The following SEPTIN4 variants were observed in gnomAD, a reference collection of about 807,000 sequenced individuals.
The protein encoded by SEPTIN4 is septin 4.
SEPTIN4 carries 52 observed loss-of-function variants against 107.1 expected under a neutral mutation model. The observed-to-expected ratio is 0.49, with a 90% CI of 0.39 to 0.61. The LOEUF is 0.61. Ranked by LOEUF, SEPTIN4 falls within the 20% of genes least tolerant of loss-of-function variation. SEPTIN4 has a pLI of 0.00. For missense variants in SEPTIN4, 1,048 were observed against 1,243.5 expected (o/e 0.84, Z 2.36); for synonymous variants, 417 against 467.0 (o/e 0.89, Z 1.38).
In SEPTIN4 at chr17:58,524,306, C is replaced by A. The variant is rs1324089855; in HGVS notation, c.2216+772G>T. On this transcript the variant is annotated intron_variant, in intron 7 of 13. Coordinates refer to ENST00000672673, the MANE Select transcript of SEPTIN4 (RefSeq NM_001368771.2). ...CGAATGATAGGGGGTTGTGGTAAATCCAGCTTTTCTTTCGGCAGGTAGCCT... is the reference window on the plus strand; with the variant it reads ...CGAATGATAGGGGGTTGTGGTAAATACAGCTTTTCTTTCGGCAGGTAGCCT... Among the ~76,000 whole-genome samples the A allele has an allele frequency of 2.6e-5, 4 of 152,234 alleles. No homozygotes were observed. The East Asian group carries it at 7.7e-4, about 29-fold the overall frequency.
chr17:58,540,713 A>G, intron 2 of SEPTIN4, 40 bp from the exon 3 acceptor site: 1 of 1,331,192 alleles, frequency 7.5e-7, no homozygotes, highest in Non-Finnish European at 9.6e-7. Context: ...CCCAGGGGGC[A>G]GCAAATGGAA....
At chr17:58,524,437 T>C (rs1886556029) in intron 7 of SEPTIN4, among the ~76,000 whole-genome samples, 1 of 152,144 alleles carries the variant, frequency 6.6e-6, no homozygotes, top group Admixed American at 6.5e-5. Flanking sequence ...AACAAGATTG[T>C]GTGCGGCACC....
chr17:58,527,091 C>T, intron 3 of SEPTIN4, 113 bp from the exon 4 acceptor site: 1 of 1,555,202 alleles, frequency 6.4e-7, no homozygotes, highest in South Asian at 1.1e-5. Context: ...AGGGAAAGCA[C>T]TTGTGGTTAG....
In SEPTIN4 at chr17:58,538,105, G is replaced by T. The variant is rs766286451; in HGVS notation, c.1614+2561C>A. 1.3e-5 allele frequency among the ~76,000 whole-genome samples: 2 copies of T among 152,148 alleles called. No homozygotes were observed. Among genetic ancestry groups the T allele is most frequent in the Non-Finnish European group, 2.9e-5 (2 of 68,024 alleles). Reference sequence around the variant, plus strand: ...ACACTTTAAAAAAAAGCGAGGGAGGGTTCCTTTCACATAGCCCATGACCTA... The same window carrying T: ...ACACTTTAAAAAAAAGCGAGGGAGGTTTCCTTTCACATAGCCCATGACCTA... On this transcript the variant is annotated intron_variant, in intron 3 of 13. Transcript: ENST00000672673. The surrounding 1 kb of genome is among the most constrained non-coding windows in gnomAD (Gnocchi z 4.7).
At position 58,521,994 on chromosome 17, in the gene SEPTIN4, A is replaced by G; in HGVS notation, c.2324T>C (p.Leu775Pro). 1 of 1,614,226 alleles carries G rather than the reference A, an allele frequency of 6.2e-7. No homozygotes were observed. Among genetic ancestry groups the G allele is most frequent in the Non-Finnish European group, 8.5e-7 (1 of 1,180,046 alleles). The change falls in exon 8 of 14, where the codon CTG becomes CCG. Residue 775 changes from leucine to proline, a missense_variant. This residue lies in a region of SEPTIN4 where 261 missense variants were observed against 371.7 expected (regional missense o/e 0.70). Transcript: ENST00000672673. The surrounding 1 kb of genome is among the most constrained non-coding windows in gnomAD (Gnocchi z 6.4). Reference protein sequence around the residue: ...NIQDNRVHCCLYFISPFGHGL... With the variant: ...NIQDNRVHCCPYFISPFGHGL... ...ATGGCCGAAGGGTGAGATGAAGTAC[A>G]GGCAGCAGTGCACCCTGTTGTCTTG...
At chr17:58,520,686 G>A (rs2042167557) in intron 13 of SEPTIN4, 57 bp downstream of exon 13, 6 of 1,602,614 alleles carry the variant, frequency 3.7e-6, no homozygotes, top group Non-Finnish European at 5.1e-6. Flanking sequence ...CAAACAAAGA[G>A]ATACCAACGT....
At position 58,520,858 on chromosome 17, in the gene SEPTIN4, G is replaced by A. The variant is rs761078650; in HGVS notation, c.2832-16C>T. 4 of 1,613,918 alleles carry A rather than the reference G, an allele frequency of 2.5e-6. No individual in the cohort carries two copies. In the African/African-American group the frequency reaches 4.0e-5, roughly 16 times the overall value. On this transcript the variant is annotated splice_polypyrimidine_tract_variant and intron_variant, in intron 12 of 13. Coordinates refer to ENST00000672673, the MANE Select transcript of SEPTIN4 (RefSeq NM_001368771.2). ...AGTCAGTTTGCTAAAGGGAGAAAAG[G>A]GTTGATAAGGCGAGGAGGACCCCAG...
rs375129802 is a variant in SEPTIN4 at position 58,525,184 on chromosome 17, C to T, written c.2110G>A (p.Val704Met). The T allele has an allele frequency of 6.8e-6, 11 of 1,614,116 alleles. No homozygotes were observed. The South Asian group carries it at 7.7e-5, about 11-fold the overall frequency. Residue 704 changes from valine (V) to methionine (M), a missense_variant, in exon 7 of 14, where the codon GTG (valine) becomes ATG (methionine). Coordinates refer to ENST00000672673, the MANE Select transcript of SEPTIN4 (RefSeq NM_001368771.2). Reference protein sequence around the residue: ...LGAEERIMQTVEITKHAVDIE... With the variant: ...LGAEERIMQTMEITKHAVDIE... ...TCCACTGCATGCTTAGTGATCTCCA[C>T]AGTTTGCATGATCCTCTCTGGAGAA...
intron 7 of SEPTIN4, among the ~76,000 whole-genome samples, 198 bp from the exon 8 acceptor site, chr17:58,522,299 G>C (rs2058161247): frequency 1.3e-5 from 2 of 152,178 alleles, no homozygotes; most frequent in South Asian, 2.1e-4. Context: ...AAATTAGACT[G>C]AGTACTCAGG....
At chr17:58,520,547 G>A (rs1210493627) in intron 13 of SEPTIN4, 62 bp from the exon 14 acceptor site, 4 of 1,594,584 alleles carry the variant, frequency 2.5e-6, no homozygotes, top group Non-Finnish European at 3.4e-6. Flanking sequence ...TTGGGAAAGT[G>A]CCCCAAATTT....
Position 58,538,840 on chromosome 17 carries a change from A to G in SEPTIN4, c.1614+1826T>C, listed in dbSNP as rs1290416409. Among the ~76,000 whole-genome samples, 2 of 152,234 alleles carry G rather than the reference A, an allele frequency of 1.3e-5. No homozygotes were observed. The highest frequency in any genetic ancestry group is 2.9e-5 in the Non-Finnish European group (2 of 68,040). On this transcript the variant is annotated intron_variant, in intron 3 of 13. Coordinates refer to ENST00000672673, the MANE Select transcript of SEPTIN4 (RefSeq NM_001368771.2). This position sits in a 1 kb window ranked among gnomAD's most constrained non-coding sequence, Gnocchi z 4.7. Reference sequence around the variant, plus strand: ...GCCCCATCCCCAGCTGTTCACCCAGAGAGGCTTGTGAAGCTCAACAACAAA... The same window carrying G: ...GCCCCATCCCCAGCTGTTCACCCAGGGAGGCTTGTGAAGCTCAACAACAAA...
chr17:58,536,412 G>A (rs539154323), intron 3 of SEPTIN4, among the ~76,000 whole-genome samples: 1 of 152,270 alleles, frequency 6.6e-6, no homozygotes, highest in East Asian at 1.9e-4. Flanking sequence ...GGTGTAGAGA[G>A]ATGGGAGGAC....
At chr17:58,529,195 T>C (rs752826661) in intron 3 of SEPTIN4, 13 of 1,614,226 alleles carry the variant, frequency 8.1e-6, no homozygotes, top group Middle Eastern at 1.7e-4. Flanking sequence ...TCAGACTCCC[T>C]GTCAGAAAGC....
intron 3 of SEPTIN4, chr17:58,529,113 A>T: frequency 6.2e-7 from 1 of 1,613,970 alleles, no homozygotes. Flanking sequence ...GCAGCACCTT[A>T]CCCCAGCTTC....
chr17:58,529,178 C>T (rs1002676401), intron 3 of SEPTIN4: 1 of 1,614,208 alleles, frequency 6.2e-7, no homozygotes, highest in Non-Finnish European at 8.5e-7. Flanking sequence ...GGTCCATGTC[C>T]CACGCTTCAG....
intron 3 of SEPTIN4, among the ~76,000 whole-genome samples, chr17:58,535,001 C>A (rs1054473183): frequency 5.3e-5 from 8 of 152,214 alleles, no homozygotes; most frequent in African/African-American, 1.9e-4. Context: ...CCTAAAGTGG[C>A]GCAAGAACTA....
At chr17:58,526,134 A>G in intron 5 of SEPTIN4, 86 bp downstream of exon 5, 2 of 1,395,982 alleles carry the variant, frequency 1.4e-6, no homozygotes, top group Non-Finnish European at 1.9e-6. Flanking sequence ...GCTCCCTGCG[A>G]CCTATACTCC....
chr17:58,535,512 T>A (rs1181484508), intron 3 of SEPTIN4, among the ~76,000 whole-genome samples: 1 of 152,222 alleles, frequency 6.6e-6, no homozygotes, highest in Non-Finnish European at 1.5e-5. Flanking sequence ...AATTCACTGA[T>A]TCTAACAACT....
Position 58,525,709 on chromosome 17 carries a change from A to C in SEPTIN4, c.2078T>G (p.Leu693Arg). 6.2e-7 allele frequency: 1 copy of C among 1,614,056 alleles called. No homozygotes were observed. Among genetic ancestry groups the C allele is most frequent in the Non-Finnish European group, 8.5e-7 (1 of 1,179,956 alleles). The change falls in exon 6 of 14, where the codon CTT becomes CGT. Residue 693 changes from leucine to arginine, a missense_variant. By Grantham distance (102) the Leu-to-Arg change is moderately radical (BLOSUM62 -2). Transcript: ENST00000672673. The stretch of plus-strand genomic sequence containing the variant: ...CCTTTCCTTACCTTCAGCACCAAGA[A>C]GTTTCCGGTCCCGGTACAGATCAGT... ...FLTDLYRDRK[L>R]LGAEERIMQT...
Sources: gnomAD v4.1 joint callset for allele counts (sites outside exome capture counted in the v4.1 genomes callset) on GRCh38, gnomAD v4.1.1 for gene constraint, gnomAD v4.1.1 regional missense constraint, Gnocchi (gnomAD v3.1) non-coding constraint, MANE v1.5 for transcripts, NCBI Gene and HGNC (gene_info 2026-07-23, HGNC 2026-07-21) for gene names.